The following TCERG1L variants were observed in gnomAD, a reference collection of about 807,000 sequenced individuals.
TCERG1L encodes the protein transcription elongation regulator 1 like.
In TCERG1L, 37 loss-of-function variants were observed where a neutral mutation model predicts 56.3. That is an observed-to-expected ratio of 0.66 (90% CI 0.51 to 0.87). The LOEUF is 0.87. TCERG1L is among the 40% of genes least tolerant of loss of function. The pLI, the probability that TCERG1L is intolerant of heterozygous loss-of-function variation, is 0.00. For synonymous variants in TCERG1L, 324 were observed against 326.3 expected, an observed-to-expected ratio of 0.99 and a Z score of 0.08; for missense variants, 799 against 774.2, an observed-to-expected ratio of 1.03 and a Z score of -0.38.
At chr10:131,129,506 C>T (rs960149676) in intron 8 of TCERG1L, among the ~76,000 whole-genome samples, 1 of 152,180 alleles carries the variant, frequency 6.6e-6, no homozygotes, top group African/African-American at 2.4e-5. Flanking sequence ...TTATGTTGAG[C>T]TTTTCCATAA....
At chr10:131,117,468 AAAG>A (rs1341917539) in intron 8 of TCERG1L, among the ~76,000 whole-genome samples, 1 of 152,262 alleles carries the variant, frequency 6.6e-6, no homozygotes, top group Non-Finnish European at 1.5e-5. Flanking sequence ...CTTCAGTGAC[AAAG>A]AAGGAGGCTG....
intron 4 of TCERG1L, among the ~76,000 whole-genome samples, chr10:131,182,106 G>A (rs955117488): frequency 6.6e-6 from 1 of 152,166 alleles, no homozygotes; most frequent in Non-Finnish European, 1.5e-5. Flanking sequence ...ATGGGTGTGT[G>A]CATGGGTGTG....
In TCERG1L at chr10:131,116,929, T is replaced by C. The variant is rs751257292; in HGVS notation, c.1265A>G (p.Glu422Gly). 1 of 1,608,446 alleles carries C rather than the reference T, an allele frequency of 6.2e-7. No homozygotes were observed. The highest frequency in any genetic ancestry group is 8.5e-7 in the Non-Finnish European group (1 of 1,177,874). The stretch of plus-strand genomic sequence containing the variant: ...CTCTGGCTTGGGACTCCCGCAGCCT[T>C]CGGTCCTTCAGGAACACAAGACGCA... The part of the protein sequence containing the change: ...QDVKTKRNRT[E>G]GCGSPKPEEA... The change falls in exon 9 of 12, where the codon GAA (glutamate) becomes GGA (glycine). Residue 422 changes from glutamate to glycine, a missense_variant. Glu to Gly is a moderately conservative substitution (Grantham distance 98, BLOSUM62 -2). Transcript: ENST00000368642.
At chr10:131,242,957 T>C (rs1002340382) in intron 4 of TCERG1L, among the ~76,000 whole-genome samples, 5 of 152,096 alleles carry the variant, frequency 3.3e-5, no homozygotes, top group African/African-American at 1.2e-4. Flanking sequence ...GTTGAAGAAA[T>C]AGGGACGTCA....
At chr10:131,201,298 C>T (rs1290329750) in intron 4 of TCERG1L, among the ~76,000 whole-genome samples, 1 of 152,196 alleles carries the variant, frequency 6.6e-6, no homozygotes, top group African/African-American at 2.4e-5. Context: ...CCTACAAACA[C>T]TCCACCACCA....
At chr10:131,286,917 C>A (rs1015931352) in intron 3 of TCERG1L, among the ~76,000 whole-genome samples, 2 of 152,114 alleles carry the variant, frequency 1.3e-5, no homozygotes, top group Non-Finnish European at 2.9e-5. Context: ...TAGCCCAGAT[C>A]GAGACGTGTT....
chr10:131,197,184 C>CGTT (rs1317235623), intron 4 of TCERG1L, among the ~76,000 whole-genome samples: 1 of 8,260 alleles, frequency 1.2e-4, no homozygotes, highest in Non-Finnish European at 2.4e-4. Context: ...TTCTCTCCTC[C>CGTT]ATTTTTTTTT....
chr10:131,109,939 T>G (rs1452877095), intron 9 of TCERG1L, among the ~76,000 whole-genome samples: 9 of 152,182 alleles, frequency 5.9e-5, no homozygotes, highest in Admixed American at 5.9e-4. Context: ...ACTCGGCAGA[T>G]GCCTCATCAA....
chr10:131,306,637 C>A (rs1323004092), intron 3 of TCERG1L, among the ~76,000 whole-genome samples: 1 of 152,034 alleles, frequency 6.6e-6, no homozygotes, highest in Non-Finnish European at 1.5e-5. Flanking sequence ...CAAATATATA[C>A]ACCTACTATG....
chr10:131,279,270 TGA>T (rs1490369907), intron 3 of TCERG1L, among the ~76,000 whole-genome samples: 5 of 151,600 alleles, frequency 3.3e-5, no homozygotes, highest in South Asian at 4.2e-4. Context: ...AGAGGAAAGG[TGA>T]GAGGGGGAGG....
At chr10:131,180,909 C>T (rs564608973) in intron 4 of TCERG1L, among the ~76,000 whole-genome samples, 1 of 152,270 alleles carries the variant, frequency 6.6e-6, no homozygotes, top group South Asian at 2.1e-4. Flanking sequence ...CGCTTCCCAT[C>T]GCTGACTGCA....
At chr10:131,169,809 G>A (rs1724644429) in intron 4 of TCERG1L, among the ~76,000 whole-genome samples, 1 of 152,134 alleles carries the variant, frequency 6.6e-6, no homozygotes, top group African/African-American at 2.4e-5. Flanking sequence ...ACTGTGTTAG[G>A]AACACTGGCA....
chr10:131,256,407 T>C (rs887788873), intron 4 of TCERG1L, among the ~76,000 whole-genome samples: 1 of 152,174 alleles, frequency 6.6e-6, no homozygotes, highest in Non-Finnish European at 1.5e-5. Flanking sequence ...AACCATTAAA[T>C]AGTTCTGGAA....
intron 4 of TCERG1L, among the ~76,000 whole-genome samples, chr10:131,171,607 C>G (rs909861799): frequency 6.6e-6 from 1 of 152,206 alleles, no homozygotes; most frequent in Non-Finnish European, 1.5e-5. Flanking sequence ...GAGACAGGGT[C>G]TCACTCTGTC....
chr10:131,307,179 T>C lies in TCERG1L; in HGVS notation c.670+1032A>G, dbSNP rs75035447. On this transcript the variant is annotated intron_variant, in intron 3 of 11. Transcript: ENST00000368642. Reference sequence around the variant, plus strand: ...TTAGTGTAAAATGTTTATAAATGTGTGCATGTACCATGCTCACTCAGATTT... The same window carrying C: ...TTAGTGTAAAATGTTTATAAATGTGCGCATGTACCATGCTCACTCAGATTT... Among the ~76,000 whole-genome samples the C allele has an allele frequency of 7.4e-3, 1,133 of 152,348 alleles. 8 individuals carry two copies. The highest frequency in any genetic ancestry group is 8.9e-3 in the Non-Finnish European group (607 of 68,022).
intron 4 of TCERG1L, among the ~76,000 whole-genome samples, chr10:131,172,948 T>C (rs937720574): frequency 2.0e-5 from 3 of 147,596 alleles, no homozygotes; most frequent in Non-Finnish European, 3.0e-5. Context: ...TGGAGTACAA[T>C]GGCAAGATCT....
intron 6 of TCERG1L, among the ~76,000 whole-genome samples, chr10:131,153,729 C>A (rs1446241697): frequency 6.6e-6 from 1 of 152,186 alleles, no homozygotes; most frequent in Non-Finnish European, 1.5e-5. Flanking sequence ...GCAGCCAGCA[C>A]CCTGGAATGC....
At chr10:131,151,047 C>T (rs7477891) in intron 6 of TCERG1L, among the ~76,000 whole-genome samples, 6,932 of 152,278 alleles carry the variant, frequency 0.046, 187 homozygotes, top group Middle Eastern at 0.15. Context: ...ATTACCTCCA[C>T]CTGGTCCCAC....
chr10:131,232,220 TGG>T (rs1845860097), intron 4 of TCERG1L, among the ~76,000 whole-genome samples: 1 of 152,228 alleles, frequency 6.6e-6, no homozygotes, highest in Admixed American at 6.5e-5. Flanking sequence ...TGAGTGGGCC[TGG>T]GTGGGACGTG....
Sources: gnomAD v4.1 joint callset for allele counts (sites outside exome capture counted in the v4.1 genomes callset) on GRCh38, gnomAD v4.1.1 for gene constraint, MANE v1.5 for transcripts, NCBI Gene and HGNC (gene_info 2026-07-23, HGNC 2026-07-21) for gene names.